L2HGDH: variants seen among roughly 807,000 people sequenced by gnomAD.
The protein encoded by L2HGDH is L-2-hydroxyglutarate dehydrogenase, also known as L-2-hydroxyglutarate dehydrogenase, mitochondrial.
L2HGDH carries 34 observed loss-of-function variants against 51.5 expected under a neutral mutation model. The ratio of observed to expected loss-of-function variants is 0.66; its 90% CI spans 0.50 to 0.88. L2HGDH has a LOEUF of 0.88. Among genes scored for constraint, L2HGDH ranks in the 40% least tolerant of loss-of-function variants. The probability of loss-of-function intolerance (pLI) is 0.00; values close to 1 mark genes in which losing one functional copy is unlikely to be tolerated. For synonymous variants in L2HGDH, 198 were observed against 197.9 expected, an observed-to-expected ratio of 1.00 and a Z score of -0.01; for missense variants, 558 against 571.9, an observed-to-expected ratio of 0.98 and a Z score of 0.25.
chr14:50,266,604 T>C (rs1234033209), intron 8 of L2HGDH, among the ~76,000 whole-genome samples: 1 of 152,196 alleles, frequency 6.6e-6, no homozygotes, highest in Non-Finnish European at 1.5e-5. Flanking sequence ...AGTGAGACCT[T>C]GTCTCAAAAT....
At chr14:50,282,476 T>C (rs1361720735) in intron 5 of L2HGDH, 1 of 455,940 alleles carries the variant, frequency 2.2e-6, no homozygotes, top group Non-Finnish European at 4.4e-6. Context: ...GACATCTTTG[T>C]TAATCTGAAA....
At chr14:50,305,944 T>C (rs1385089229) in intron 1 of L2HGDH, among the ~76,000 whole-genome samples, 1 of 152,254 alleles carries the variant, frequency 6.6e-6, no homozygotes, top group East Asian at 1.9e-4. Context: ...TACTGTATTT[T>C]AAATTGTGTT....
At chr14:50,259,156 TTTA>T (rs1412734291) in intron 9 of L2HGDH, among the ~76,000 whole-genome samples, 1 of 151,342 alleles carries the variant, frequency 6.6e-6, no homozygotes, top group Non-Finnish European at 1.5e-5. Flanking sequence ...CCAACCATAT[TTTA>T]TTATTTTTTA....
intron 4 of L2HGDH, among the ~76,000 whole-genome samples, chr14:50,286,446 T>G (rs773374676): frequency 2.0e-5 from 3 of 152,144 alleles, no homozygotes; most frequent in Non-Finnish European, 2.9e-5. Context: ...GATACTTGGT[T>G]TTCTTAAAGG....
intron 4 of L2HGDH, among the ~76,000 whole-genome samples, chr14:50,291,418 G>A (rs1330782340): frequency 6.6e-6 from 1 of 152,060 alleles, no homozygotes; most frequent in African/African-American, 2.4e-5. Context: ...CACTATCTCA[G>A]AGAGATAAGA....
At chr14:50,287,700 T>A (rs1340924389) in intron 4 of L2HGDH, among the ~76,000 whole-genome samples, 3 of 136,120 alleles carry the variant, frequency 2.2e-5, no homozygotes. Flanking sequence ...CCTTTTTTTT[T>A]TTTTTTTTTT....
Position 50,312,214 on chromosome 14 carries a change from A to T in L2HGDH, c.-64T>A. 1 of 1,588,658 alleles carries T rather than the reference A, an allele frequency of 6.3e-7. No individual in the cohort carries two copies. The highest frequency in any genetic ancestry group is 8.5e-7 in the Non-Finnish European group (1 of 1,171,502). On this transcript the variant is annotated 5_prime_UTR_variant, in exon 1 of 10. Transcript: ENST00000267436. ...GCCACTTGACCCTCCACGGCCGAGG[A>T]CCCGCGCTCTTTAGCCCCGCCCCTC...
chr14:50,273,228 A>G (rs1368950258), intron 6 of L2HGDH, among the ~76,000 whole-genome samples: 1 of 146,480 alleles, frequency 6.8e-6, no homozygotes, highest in Non-Finnish European at 1.6e-5. Flanking sequence ...CACTGAAGAG[A>G]AATCTTGGCC....
At position 50,242,841 on chromosome 14, in the gene L2HGDH, A is replaced by C. The variant is rs1887855544; in HGVS notation, c.*4217T>G. On this transcript the variant is annotated 3_prime_UTR_variant, in exon 10 of 10. Transcript: ENST00000267436. ...AGAAAGATGAGGAAACCTCTGACCA[A>C]GAAGTCTAGACACAGATTAAGGGCC... The C allele has an allele frequency of 1.0e-6, 1 of 985,354 alleles. No homozygotes were observed. The highest frequency in any genetic ancestry group is 1.7e-5 in the African/African-American group (1 of 57,254). The allele number at this position is 985,354 out of a possible 1,614,324, so 61.0% of individuals were successfully genotyped here. A position where few individuals can be genotyped will look rare whatever the true frequency, so the allele number is the denominator to read the frequency against.
rs1299198357 is a variant in L2HGDH, at chr14:50,303,029, A to C, written c.141-12T>G. ...CTATATCAAATGAGCTTCAAAAGAA[A>C]GTCATCTTTAAAGTAATTCATATTT... On this transcript the variant is annotated splice_polypyrimidine_tract_variant and intron_variant, in intron 1 of 9. Coordinates refer to ENST00000267436, the MANE Select transcript of L2HGDH (RefSeq NM_024884.3). The C allele has an allele frequency of 6.5e-7, 1 of 1,532,184 alleles. No homozygotes were observed. Among genetic ancestry groups the C allele is most frequent in the Non-Finnish European group, 9.0e-7 (1 of 1,105,492 alleles). The allele number at this position is 1,532,184 out of a possible 1,614,324, so 94.9% of individuals were successfully genotyped here.
At chr14:50,260,846 T>C (rs1888973795) in intron 9 of L2HGDH, among the ~76,000 whole-genome samples, 1 of 152,144 alleles carries the variant, frequency 6.6e-6, no homozygotes, top group African/African-American at 2.4e-5. Context: ...CTGGGCACGG[T>C]AGCTCACACC....
chr14:50,298,018 T>A (rs1470910470), intron 3 of L2HGDH, among the ~76,000 whole-genome samples: 1 of 151,496 alleles, frequency 6.6e-6, no homozygotes, highest in Non-Finnish European at 1.5e-5. Context: ...TTTGGGTGGG[T>A]AGATCACTTG....
At chr14:50,250,484 C>G (rs1888282336) in intron 9 of L2HGDH, among the ~76,000 whole-genome samples, 1 of 152,204 alleles carries the variant, frequency 6.6e-6, no homozygotes, top group Non-Finnish European at 1.5e-5. Flanking sequence ...AACAGAACAT[C>G]AGGTAAACTA....
intron 9 of L2HGDH, among the ~76,000 whole-genome samples, chr14:50,250,191 C>G (rs907803326): frequency 5.3e-5 from 8 of 152,200 alleles, no homozygotes; most frequent in Admixed American, 5.2e-4. Context: ...CATGAGCCAC[C>G]GTGTCTGGCC....
chr14:50,286,082 AG>A (rs1370204563), intron 4 of L2HGDH, among the ~76,000 whole-genome samples: 1 of 152,198 alleles, frequency 6.6e-6, no homozygotes, highest in Non-Finnish European at 1.5e-5. Context: ...TGTCCAGGTC[AG>A]CAGGTCAGAG....
intron 9 of L2HGDH, among the ~76,000 whole-genome samples, chr14:50,264,438 C>A (rs115575336): frequency 0.01 from 1,547 of 152,242 alleles, 22 homozygotes; most frequent in African/African-American, 0.035. Flanking sequence ...ACCCCTGTAG[C>A]AAGGACTCTG....
intron 5 of L2HGDH, among the ~76,000 whole-genome samples, 183 bp downstream of exon 5, chr14:50,283,688 A>G (rs1890400667): frequency 6.6e-6 from 1 of 152,190 alleles, no homozygotes; most frequent in Non-Finnish European, 1.5e-5. Context: ...CACCGAATGC[A>G]ATGTAAATGC....
chr14:50,252,560 G>C (rs199719768), intron 9 of L2HGDH, among the ~76,000 whole-genome samples: 1 of 151,676 alleles, frequency 6.6e-6, no homozygotes, highest in African/African-American at 2.4e-5. Context: ...GATACAAAGA[G>C]ACTAAAAATA....
chr14:50,293,875 C>A (rs1483429936), intron 4 of L2HGDH, among the ~76,000 whole-genome samples: 3 of 152,158 alleles, frequency 2.0e-5, no homozygotes, highest in African/African-American at 7.2e-5. Flanking sequence ...TCCAAACATG[C>A]CATGTGGTCT....
Sources: allele counts gnomAD v4.1 joint callset (sites outside exome capture counted in the v4.1 genomes callset), GRCh38; gene constraint gnomAD v4.1.1; transcripts MANE v1.5; gene names NCBI Gene and HGNC (gene_info 2026-07-23, HGNC 2026-07-21).